Variants in SUCLG2 observed in about 807,000 individuals in gnomAD.
SUCLG2 encodes succinate--CoA ligase [GDP-forming] subunit beta, mitochondrial.
Under a neutral mutation model 47.9 loss-of-function variants are expected in SUCLG2, and 42 were observed. The ratio of observed to expected loss-of-function variants is 0.88; its 90% confidence interval spans 0.69 to 1.14. SUCLG2 has a LOEUF of 1.14. Ranked by LOEUF, SUCLG2 falls within the 50% of genes most tolerant of loss-of-function variation. The pLI is 0.00. For synonymous variants in SUCLG2, 195 were observed against 197.3 expected (o/e 0.99, Z 0.10); for missense variants, 571 against 525.9 (o/e 1.09, Z -0.84).
chr3:67,487,779 A>G (rs1313241348), intron 9 of SUCLG2, among the ~76,000 whole-genome samples: 1 of 152,186 alleles, frequency 6.6e-6, no homozygotes, highest in African/African-American at 2.4e-5. Flanking sequence ...TAATTCAGCA[A>G]TGCATGTGAA....
chr3:67,554,624 T>A (rs1707106738), intron 2 of SUCLG2, among the ~76,000 whole-genome samples: 2 of 152,126 alleles, frequency 1.3e-5, no homozygotes, highest in Admixed American at 1.3e-4. Flanking sequence ...GACCAAAAAA[T>A]TAAAATAATA....
intron 9 of SUCLG2, among the ~76,000 whole-genome samples, chr3:67,431,501 A>G (rs188385048): frequency 4.6e-5 from 7 of 152,282 alleles, no homozygotes; most frequent in South Asian, 4.1e-4. Context: ...ATGTCCATCA[A>G]TGATAGACTG....
In SUCLG2 at chr3:67,654,543, G is replaced by C. The variant is rs772257066; in HGVS notation, c.44C>G (p.Ala15Gly). The change falls in exon 1 of 11, where the codon GCC (alanine) becomes GGC (glycine). Residue 15 changes from alanine (A) to glycine (G), a missense_variant. Ala to Gly is a moderately conservative substitution (Grantham distance 60). Coordinates refer to ENST00000307227, the MANE Select transcript of SUCLG2 (RefSeq NM_003848.4). ...VAAQAGKLLR[A>G]LALRPRFLAA... The stretch of plus-strand genomic sequence containing the variant: ...CAGGAAGCGGGGCCGCAGCGCTAGG[G>C]CTCGCAGAAGCTTCCCGGCCTGCGC... 8.7e-6 allele frequency: 11 copies of C among 1,265,980 alleles called. No individual in the cohort carries two copies. The East Asian group carries it at 3.0e-4, about 34-fold the overall frequency. The allele number at this position is 1,265,980 out of a possible 1,614,324, so 78.4% of individuals were successfully genotyped here.
At chr3:67,390,395 T>C (rs1702354846) in intron 10 of SUCLG2, among the ~76,000 whole-genome samples, 1 of 152,238 alleles carries the variant, frequency 6.6e-6, no homozygotes, top group Admixed American at 6.5e-5. Flanking sequence ...GACAAATCTT[T>C]GTTCTCAGCT....
intron 9 of SUCLG2, among the ~76,000 whole-genome samples, chr3:67,453,201 T>C (rs1704098564): frequency 6.7e-6 from 1 of 150,000 alleles, no homozygotes; most frequent in Non-Finnish European, 1.5e-5. Context: ...ATGAAGAAAA[T>C]TACCTCAGTA....
At chr3:67,510,091 T>C (rs1705747029) in intron 6 of SUCLG2, among the ~76,000 whole-genome samples, 1 of 152,222 alleles carries the variant, frequency 6.6e-6, no homozygotes, top group African/African-American at 2.4e-5. Flanking sequence ...CAAGGTCCAG[T>C]AACACCACTG....
At chr3:67,634,182 G>C (rs1285729436) in intron 1 of SUCLG2, among the ~76,000 whole-genome samples, 2 of 152,132 alleles carry the variant, frequency 1.3e-5, no homozygotes, top group Non-Finnish European at 2.9e-5. Flanking sequence ...GCAGTGCTCA[G>C]TGTCTTGTAA....
chr3:67,428,792 T>C (rs1703379087), intron 9 of SUCLG2, among the ~76,000 whole-genome samples: 2 of 152,110 alleles, frequency 1.3e-5, no homozygotes. Context: ...GCATGAGAAC[T>C]ACATGATGCA....
chr3:67,575,978 C>T (rs1370870909), intron 2 of SUCLG2, among the ~76,000 whole-genome samples: 3 of 152,140 alleles, frequency 2.0e-5, no homozygotes, highest in Non-Finnish European at 2.9e-5. Flanking sequence ...ATTCTTGTCA[C>T]GTGAAATATA....
chr3:67,491,854 T>A (rs1575732202), intron 9 of SUCLG2, among the ~76,000 whole-genome samples: 1 of 152,232 alleles, frequency 6.6e-6, no homozygotes, highest in Non-Finnish European at 1.5e-5. Flanking sequence ...TGTCTCAATA[T>A]GTGTAATAAA....
chr3:67,386,119 C>T (rs1014362154), intron 10 of SUCLG2, among the ~76,000 whole-genome samples: 1 of 152,172 alleles, frequency 6.6e-6, no homozygotes, highest in African/African-American at 2.4e-5. Context: ...GACGGAGTCT[C>T]GCTCTGTCAC....
chr3:67,400,703 G>A, intron 10 of SUCLG2, 28 bp downstream of exon 10: 1 of 1,607,712 alleles, frequency 6.2e-7, no homozygotes, highest in Non-Finnish European at 8.5e-7. Flanking sequence ...AAGGGGTGCT[G>A]GCACAGCGGA....
intron 2 of SUCLG2, among the ~76,000 whole-genome samples, chr3:67,536,032 C>A (rs1472907545): frequency 6.6e-6 from 1 of 152,156 alleles, no homozygotes; most frequent in East Asian, 1.9e-4. Flanking sequence ...GCTTGAGAAT[C>A]CACCTCTCCT....
chr3:67,614,502 T>C (rs1261315427), intron 1 of SUCLG2, among the ~76,000 whole-genome samples: 1 of 151,844 alleles, frequency 6.6e-6, no homozygotes, highest in Non-Finnish European at 1.5e-5. Flanking sequence ...CTGTTGTCCA[T>C]CCATCTCTGT....
At chr3:67,362,693 T>C (rs964204917) in intron 10 of SUCLG2, among the ~76,000 whole-genome samples, 1 of 152,188 alleles carries the variant, frequency 6.6e-6, no homozygotes, top group African/African-American at 2.4e-5. Flanking sequence ...TGAATGAAGA[T>C]GTAAGTCGTA....
At chr3:67,377,492 A>G (rs1269784456) in intron 10 of SUCLG2, among the ~76,000 whole-genome samples, 2 of 152,174 alleles carry the variant, frequency 1.3e-5, no homozygotes, top group Non-Finnish European at 2.9e-5. Flanking sequence ...GCCCCCCTGC[A>G]TCTCGAAGGG....
At chr3:67,539,962 C>G (rs935113779) in intron 2 of SUCLG2, among the ~76,000 whole-genome samples, 2 of 151,506 alleles carry the variant, frequency 1.3e-5, no homozygotes, top group South Asian at 4.2e-4. Flanking sequence ...TTTTATTAGT[C>G]TGGCTAGCAG....
intron 10 of SUCLG2, among the ~76,000 whole-genome samples, chr3:67,396,726 G>C (rs148853377): frequency 6.6e-6 from 1 of 152,088 alleles, no homozygotes; most frequent in African/African-American, 2.4e-5. Context: ...CCAAAAAAGA[G>C]AATTTTAGAC....
chr3:67,600,079 T>C (rs1708384131), intron 2 of SUCLG2, among the ~76,000 whole-genome samples: 1 of 152,228 alleles, frequency 6.6e-6, no homozygotes, highest in Admixed American at 6.5e-5. Flanking sequence ...GTAAAGAAAG[T>C]ATGACGCTCA....
Sources: gnomAD v4.1 joint callset for allele counts (sites outside exome capture counted in the v4.1 genomes callset) on GRCh38, gnomAD v4.1.1 for gene constraint, MANE v1.5 for transcripts, NCBI Gene and HGNC (gene_info 2026-07-23, HGNC 2026-07-21) for gene names.